Variants in KCTD16 observed in about 807,000 individuals in gnomAD.
The protein encoded by KCTD16 is BTB/POZ domain-containing protein KCTD16.
In KCTD16, 13 loss-of-function variants were observed where a neutral mutation model predicts 33.2. The ratio of observed to expected loss-of-function variants is 0.39; its 90% CI spans 0.25 to 0.62. The LOEUF (loss-of-function observed/expected upper bound fraction) is 0.62. KCTD16 is among the 20% of genes least tolerant of loss of function. The pLI, the probability that KCTD16 is intolerant of heterozygous loss-of-function variation, is 0.50. For synonymous variants in KCTD16, 197 were observed against 195.3 expected (o/e 1.01, Z -0.07); for missense variants, 441 against 525.1 (o/e 0.84, Z 1.57).
intron 3 of KCTD16, among the ~76,000 whole-genome samples, chr5:144,326,102 A>T (rs1236617400): frequency 6.6e-6 from 1 of 152,164 alleles, no homozygotes; most frequent in Non-Finnish European, 1.5e-5. Context: ...AGAGAACTCA[A>T]CTCAGGTCAT....
chr5:144,418,878 G>C (rs1753145417), intron 3 of KCTD16, among the ~76,000 whole-genome samples: 2 of 152,154 alleles, frequency 1.3e-5, no homozygotes, highest in South Asian at 4.1e-4. Context: ...GAAGTATTAT[G>C]AGGTCAAGTT....
intron 3 of KCTD16, among the ~76,000 whole-genome samples, chr5:144,295,079 T>A (rs1755998909): frequency 6.6e-6 from 1 of 152,114 alleles, no homozygotes; most frequent in Non-Finnish European, 1.5e-5. Flanking sequence ...CGCTAACATA[T>A]AAAGGGGGAT....
intron 3 of KCTD16, among the ~76,000 whole-genome samples, chr5:144,423,183 G>C (rs901239608): frequency 6.6e-6 from 1 of 152,126 alleles, no homozygotes; most frequent in Non-Finnish European, 1.5e-5. Context: ...AGTGATTGAG[G>C]AAGGGAGTGG....
At chr5:144,326,086 T>C (rs191824208) in intron 3 of KCTD16, among the ~76,000 whole-genome samples, 1 of 152,316 alleles carries the variant, frequency 6.6e-6, no homozygotes, top group African/African-American at 2.4e-5. Context: ...AATGTCTTGT[T>C]TTCTCAGAGA....
At chr5:144,274,378 G>A (rs1580837342) in intron 3 of KCTD16, among the ~76,000 whole-genome samples, 1 of 152,118 alleles carries the variant, frequency 6.6e-6, no homozygotes, top group Admixed American at 6.5e-5. Context: ...GGACAAGTAG[G>A]TAGGGGATAG....
chr5:144,438,640 A>G (rs1753633001), intron 3 of KCTD16, among the ~76,000 whole-genome samples: 1 of 152,200 alleles, frequency 6.6e-6, no homozygotes, highest in Non-Finnish European at 1.5e-5. Flanking sequence ...TTGAAAACAT[A>G]GGCTGGGTCA....
chr5:144,461,586 A>G (rs181844851), intron 3 of KCTD16, among the ~76,000 whole-genome samples: 1 of 151,230 alleles, frequency 6.6e-6, no homozygotes, highest in African/African-American at 2.4e-5. Flanking sequence ...CTGGTCCCTG[A>G]CTCCTCAGTC....
chr5:144,433,081 C>G (rs1184276709), intron 3 of KCTD16, among the ~76,000 whole-genome samples: 8 of 152,088 alleles, frequency 5.3e-5, no homozygotes, highest in Admixed American at 5.2e-4. Flanking sequence ...ACTTTGAAAA[C>G]CTGCTCTTCT....
chr5:144,198,591 G>A (rs1752979689), intron 2 of KCTD16, among the ~76,000 whole-genome samples: 1 of 152,134 alleles, frequency 6.6e-6, no homozygotes, highest in Non-Finnish European at 1.5e-5. Flanking sequence ...GGATTTATTT[G>A]TGAAAAACGC....
At chr5:144,260,359 A>C (rs557563637) in intron 3 of KCTD16, among the ~76,000 whole-genome samples, 1 of 152,336 alleles carries the variant, frequency 6.6e-6, no homozygotes, top group Non-Finnish European at 1.5e-5. Flanking sequence ...GAAGGGGCCC[A>C]GCTGTCTGCT....
At chr5:144,218,339 TAGAG>T (rs759757576) in intron 3 of KCTD16, among the ~76,000 whole-genome samples, 11 of 152,168 alleles carry the variant, frequency 7.2e-5, no homozygotes, top group South Asian at 2.1e-4. Context: ...TATTAATACT[TAGAG>T]AGGAGAAAAT....
At chr5:144,250,943 T>C (rs537155142) in intron 3 of KCTD16, among the ~76,000 whole-genome samples, 81 of 152,304 alleles carry the variant, frequency 5.3e-4, no homozygotes, top group Middle Eastern at 3.4e-3. Context: ...ACAATTATTA[T>C]ATATATGTAT....
At chr5:144,245,778 G>A (rs1754532450) in intron 3 of KCTD16, among the ~76,000 whole-genome samples, 1 of 152,016 alleles carries the variant, frequency 6.6e-6, no homozygotes, top group African/African-American at 2.4e-5. Flanking sequence ...TCCTGCTTTG[G>A]CCACGTGAAG....
intron 3 of KCTD16, among the ~76,000 whole-genome samples, chr5:144,289,648 T>C (rs977793544): frequency 6.6e-6 from 1 of 152,162 alleles, no homozygotes; most frequent in Non-Finnish European, 1.5e-5. Context: ...TTGAAGGTAA[T>C]AACACATGCT....
Position 144,269,657 on chromosome 5 carries a change from C to T in KCTD16, c.832+62111C>T, listed in dbSNP as rs111991763. Among the ~76,000 whole-genome samples, 761 of 152,102 alleles carry T rather than the reference C, an allele frequency of 5.0e-3. 10 individuals are homozygous for T. Among genetic ancestry groups the T allele is most frequent in the African/African-American group, 0.017 (725 of 41,524 alleles). On this transcript the variant is annotated intron_variant, in intron 3 of 3. Transcript: ENST00000512467. ...AGTAACTCAAAGCTGTATGAAGAAA[C>T]AAATACCTCAATAAAGGTAAATACA...
At chr5:144,222,594 A>G (rs1753794215) in intron 3 of KCTD16, among the ~76,000 whole-genome samples, 1 of 152,250 alleles carries the variant, frequency 6.6e-6, no homozygotes, top group African/African-American at 2.4e-5. Flanking sequence ...ACAATGAGAT[A>G]CCATCTCACA....
intron 3 of KCTD16, among the ~76,000 whole-genome samples, chr5:144,344,972 T>C (rs1307483582): frequency 6.6e-6 from 1 of 151,146 alleles, no homozygotes; most frequent in African/African-American, 2.4e-5. Context: ...CCAACAATGA[T>C]AGACTGGATT....
chr5:144,189,383 C>G (rs1269533400), intron 2 of KCTD16, among the ~76,000 whole-genome samples: 10 of 151,808 alleles, frequency 6.6e-5, no homozygotes, highest in Non-Finnish European at 1.5e-4. Context: ...GTAGTCCCAG[C>G]TGCTCGGGAG....
chr5:144,455,670 C>T (rs953864022), intron 3 of KCTD16, among the ~76,000 whole-genome samples: 11 of 152,230 alleles, frequency 7.2e-5, no homozygotes, highest in Middle Eastern at 6.8e-3. Context: ...GTAATTGCAG[C>T]AGTCCAGAAG....
Sources: gnomAD v4.1 joint callset for allele counts (sites outside exome capture counted in the v4.1 genomes callset) on GRCh38, gnomAD v4.1.1 for gene constraint, MANE v1.5 for transcripts, NCBI Gene and HGNC (gene_info 2026-07-23, HGNC 2026-07-21) for gene names.